Variants in TANC2 observed in about 807,000 individuals in gnomAD.
TANC2 encodes tetratricopeptide repeat, ankyrin repeat and coiled-coil containing 2.
In TANC2, 26 loss-of-function variants were observed where a neutral mutation model predicts 210.5. The ratio of observed to expected loss-of-function variants is 0.12; its 90% CI spans 0.09 to 0.17. The LOEUF is 0.17. Ranked by LOEUF, TANC2 falls within the 10% of genes least tolerant of loss-of-function variation. The pLI, the probability that TANC2 is intolerant of heterozygous loss-of-function variation, is 1.00. For missense variants in TANC2, 2,129 were observed against 2,608.9 expected (o/e 0.82, Z 4.01); for synonymous variants, 931 against 967.1 (o/e 0.96, Z 0.69).
chr17:63,366,747 T>TTA (rs2047122060), intron 14 of TANC2, among the ~76,000 whole-genome samples: 2 of 152,300 alleles, frequency 1.3e-5, no homozygotes, highest in East Asian at 3.9e-4. Flanking sequence ...TTCACAAGGG[T>TTA]CATACATTTC....
At chr17:63,349,246 A>T (rs1040365007) in intron 12 of TANC2, among the ~76,000 whole-genome samples, 27 of 152,226 alleles carry the variant, frequency 1.8e-4, no homozygotes, top group Admixed American at 1.5e-3. Context: ...TCTACTAAGA[A>T]TTTATGCAAA....
At chr17:63,194,385 G>A (rs1431653335) in intron 6 of TANC2, among the ~76,000 whole-genome samples, 3 of 152,102 alleles carry the variant, frequency 2.0e-5, no homozygotes, top group Non-Finnish European at 2.9e-5. Flanking sequence ...AAATTGACAC[G>A]TATATAAGCA....
intron 17 of TANC2, among the ~76,000 whole-genome samples, chr17:63,392,111 G>A (rs73327730): frequency 6.6e-6 from 1 of 152,054 alleles, no homozygotes; most frequent in Non-Finnish European, 1.5e-5. Flanking sequence ...GAGATCCTCT[G>A]GTCTTCCTTC....
intron 9 of TANC2, among the ~76,000 whole-genome samples, chr17:63,271,798 TTTAA>T (rs1288952793): frequency 5.4e-5 from 8 of 148,496 alleles, no homozygotes; most frequent in African/African-American, 1.9e-4. Context: ...TTAATTTAAA[TTTAA>T]TTAATTAAAT....
At chr17:63,222,160 G>C (rs1000135918) in intron 7 of TANC2, among the ~76,000 whole-genome samples, 1 of 152,124 alleles carries the variant, frequency 6.6e-6, no homozygotes, top group Non-Finnish European at 1.5e-5. Context: ...TGATGGAAAG[G>C]GTGAGGAAGC....
chr17:62,970,471 C>T (rs971772054), intron 1 of TANC2, among the ~76,000 whole-genome samples: 1 of 151,976 alleles, frequency 6.6e-6, no homozygotes, highest in Non-Finnish European at 1.5e-5. Flanking sequence ...CTTGACTGTC[C>T]CACGCTAGCT....
At chr17:63,037,287 G>T (rs1290709367) in intron 2 of TANC2, among the ~76,000 whole-genome samples, 2 of 152,036 alleles carry the variant, frequency 1.3e-5, no homozygotes, top group Non-Finnish European at 2.9e-5. Flanking sequence ...TGCTGGAAGG[G>T]ATGATTTACA....
intron 9 of TANC2, among the ~76,000 whole-genome samples, chr17:63,300,622 T>C (rs911113640): frequency 6.6e-6 from 1 of 152,202 alleles, no homozygotes; most frequent in Non-Finnish European, 1.5e-5. Context: ...GTTTTGCACA[T>C]TGATTTTGTA....
intron 8 of TANC2, among the ~76,000 whole-genome samples, chr17:63,241,562 T>G (rs755730491): frequency 3.9e-5 from 6 of 152,132 alleles, no homozygotes; most frequent in Non-Finnish European, 7.4e-5. Context: ...CACAACAGAG[T>G]TCAGTTGTTG....
intron 9 of TANC2, among the ~76,000 whole-genome samples, chr17:63,304,563 G>T (rs2044834406): frequency 6.6e-6 from 1 of 152,200 alleles, no homozygotes; most frequent in African/African-American, 2.4e-5. Context: ...CCAGTTGGGT[G>T]GCACGGGGAG....
chr17:63,250,311 A>ATTT (rs1372825470), intron 8 of TANC2, among the ~76,000 whole-genome samples: 21 of 136,206 alleles, frequency 1.5e-4, no homozygotes, highest in African/African-American at 6.9e-4. Flanking sequence ...TTTATTTATG[A>ATTT]ATGAATGAAT....
At chr17:63,352,379 A>C (rs935719116) in intron 13 of TANC2, among the ~76,000 whole-genome samples, 1 of 152,122 alleles carries the variant, frequency 6.6e-6, no homozygotes, top group African/African-American at 2.4e-5. Flanking sequence ...CTATATTTCT[A>C]ATCCTGGCCA....
chr17:63,180,525 A>G (rs747203298), intron 5 of TANC2, among the ~76,000 whole-genome samples: 4 of 152,142 alleles, frequency 2.6e-5, no homozygotes, highest in Non-Finnish European at 5.9e-5. Context: ...GCAGATTTAT[A>G]TGTTTGTGTT....
At chr17:63,121,853 G>A (rs1265679975) in intron 4 of TANC2, among the ~76,000 whole-genome samples, 1 of 151,970 alleles carries the variant, frequency 6.6e-6, no homozygotes, top group African/African-American at 2.4e-5. Context: ...TGTAGTCCCA[G>A]CTACTTGGGA....
chr17:63,003,542 G>C (rs897945762), intron 1 of TANC2, among the ~76,000 whole-genome samples: 7 of 152,196 alleles, frequency 4.6e-5, no homozygotes, highest in African/African-American at 1.4e-4. Flanking sequence ...GATGGAGCAG[G>C]ATGGTGTGAG....
At chr17:63,146,653 TA>T (rs142900138) in intron 4 of TANC2, among the ~76,000 whole-genome samples, 11,554 of 152,174 alleles carry the variant, frequency 0.076, 1,375 homozygotes, top group African/African-American at 0.25. Context: ...AGTTTCCTCC[TA>T]AAAAATCCCT....
At chr17:63,385,583 G>A (rs964506577) in intron 15 of TANC2, among the ~76,000 whole-genome samples, 1 of 152,244 alleles carries the variant, frequency 6.6e-6, no homozygotes, top group Non-Finnish European at 1.5e-5. Flanking sequence ...ATGAGAGTTT[G>A]TAATTGATGT....
chr17:63,064,907 ACT>A (rs1033127848), intron 2 of TANC2, among the ~76,000 whole-genome samples: 2 of 151,156 alleles, frequency 1.3e-5, no homozygotes, highest in Admixed American at 6.6e-5. Flanking sequence ...TAATATCTGT[ACT>A]CTCAGCAATT....
chr17:63,305,754 A>G (rs1344603262), intron 9 of TANC2: 2 of 152,268 alleles, frequency 1.3e-5, no homozygotes, highest in African/African-American at 4.8e-5. Flanking sequence ...TACTATGAAG[A>G]AGATGAAAAT....
Sources: allele counts gnomAD v4.1 joint callset (sites outside exome capture counted in the v4.1 genomes callset), GRCh38; gene constraint gnomAD v4.1.1; transcripts MANE v1.5; gene names NCBI Gene and HGNC (gene_info 2026-07-23, HGNC 2026-07-21).